CENPS: variants seen among roughly 807,000 people sequenced by gnomAD.
The protein encoded by CENPS is centromere protein S.
In CENPS, 16 loss-of-function variants were observed where a neutral mutation model predicts 17.9. The ratio of observed to expected loss-of-function variants is 0.90; its 90% CI spans 0.61 to 1.36. The LOEUF (loss-of-function observed/expected upper bound fraction) is 1.36, where lower values mean the gene tolerates loss of function less well. CENPS is among the 40% of genes most tolerant of loss of function. The probability of loss-of-function intolerance (pLI) is 0.00; values close to 1 mark genes in which losing one functional copy is unlikely to be tolerated. For synonymous variants in CENPS, 49 were observed against 55.8 expected (o/e 0.88, Z 0.54); for missense variants, 160 against 158.6 (o/e 1.01, Z -0.05).
intron 1 of CENPS, chr1:10,431,330 A>G (rs1639902423): frequency 6.5e-7 from 1 of 1,535,166 alleles, no homozygotes; most frequent in Non-Finnish European, 8.7e-7. Flanking sequence ...ACAAAGTTAC[A>G]CTGCAGCAGC....
intron 1 of CENPS, among the ~76,000 whole-genome samples, chr1:10,433,448 G>A (rs1428977871): frequency 6.6e-6 from 1 of 152,170 alleles, no homozygotes; most frequent in African/African-American, 2.4e-5. Flanking sequence ...TGCCTTAAGG[G>A]CAAAGTTCCC....
In CENPS at chr1:10,430,721, T is replaced by C. The variant is rs1570013087; in HGVS notation, c.51+153T>C. 2.8e-6 allele frequency: 4 copies of C among 1,414,008 alleles called. No individual in the cohort carries two copies. The South Asian group carries it at 4.7e-5, about 16-fold the overall frequency. The allele number at this position is 1,414,008 out of a possible 1,614,324, so 87.6% of individuals were successfully genotyped here. ...CATGCGTTGGCTTAACTGCCGCGGG[T>C]GGTGCTGGGAGGCGGTTTCCGCGGC... On this transcript the variant is annotated intron_variant, in intron 1 of 4. Coordinates refer to ENST00000309048, the MANE Select transcript of CENPS (RefSeq NM_199294.3).
In CENPS at chr1:10,430,922, G is replaced by A. The variant is rs868866320; in HGVS notation, c.51+354G>A. Reference sequence around the variant, plus strand: ...AACGTCGGCATTAGACATTCCAGGTGACGCCCGTACGCGGTGGGCGGTTCG... The same window carrying A: ...AACGTCGGCATTAGACATTCCAGGTAACGCCCGTACGCGGTGGGCGGTTCG... On this transcript the variant is annotated intron_variant, in intron 1 of 4. Transcript: ENST00000309048. The A allele has an allele frequency of 3.5e-5, 44 of 1,260,504 alleles. 1 individual carries two copies. In the South Asian group the frequency reaches 8.5e-4, roughly 24 times the overall value. 78.1% of individuals were successfully genotyped at this position (1,260,504 alleles called of 1,614,324 possible). A position where few individuals can be genotyped will look rare whatever the true frequency, so the allele number is the denominator to read the frequency against.
intron 1 of CENPS, chr1:10,431,009 C>T: frequency 7.7e-6 from 10 of 1,291,980 alleles, no homozygotes; most frequent in Non-Finnish European, 9.8e-6. Flanking sequence ...TGCAGGGACG[C>T]GGTGCGGACC....
Position 10,442,428 on chromosome 1 carries a change from G to A in CENPS, c.*23G>A, listed in dbSNP as rs770975490. The stretch of plus-strand genomic sequence containing the variant: ...TAAAGTCCCTCGCCGCTTGGAAAGT[G>A]CAGCCTTCTACAGGTAGAGCCACCT... On this transcript the variant is annotated 3_prime_UTR_variant, in exon 5 of 5. Coordinates refer to ENST00000309048, the MANE Select transcript of CENPS (RefSeq NM_199294.3). 110 of 1,553,354 alleles carry A rather than the reference G, an allele frequency of 7.1e-5. No individual in the cohort carries two copies. The highest frequency in any genetic ancestry group is 9.3e-5 in the Non-Finnish European group (108 of 1,159,566).
intron 1 of CENPS, among the ~76,000 whole-genome samples, chr1:10,433,333 C>G (rs1640007408): frequency 6.6e-6 from 1 of 152,206 alleles, no homozygotes; most frequent in East Asian, 1.9e-4. Flanking sequence ...GGTGTGCCCT[C>G]TTGAGCCTTT....
chr1:10,430,440 G>A lies in CENPS; in HGVS notation c.-78G>A. On this transcript the variant is annotated 5_prime_UTR_variant, in exon 1 of 5. Coordinates refer to ENST00000309048, the MANE Select transcript of CENPS (RefSeq NM_199294.3). ...CCGCGCGGCCCGTCGCTCGCGCCGC[G>A]GCGGGAAAATCCGACCTGGCCGCGC... The A allele has an allele frequency of 1.3e-6, 2 of 1,516,658 alleles. No individual in the cohort carries two copies. The highest frequency in any genetic ancestry group is 1.8e-6 in the Non-Finnish European group (2 of 1,133,410). The allele number at this position is 1,516,658 out of a possible 1,614,324, so 94.0% of individuals were successfully genotyped here.
At chr1:10,431,545 T>A in intron 1 of CENPS, 1 of 1,125,204 alleles carries the variant, frequency 8.9e-7, no homozygotes, top group South Asian at 1.5e-5. Flanking sequence ...TTTAATTCTT[T>A]AGTACACATC....
chr1:10,432,477 C>T (rs1286154743), intron 1 of CENPS, among the ~76,000 whole-genome samples: 2 of 152,146 alleles, frequency 1.3e-5, no homozygotes, highest in East Asian at 1.9e-4. Flanking sequence ...ATTTGCCCCT[C>T]AGCTGTGATT....
intron 3 of CENPS, among the ~76,000 whole-genome samples, chr1:10,439,957 G>T (rs1393503334): frequency 6.6e-6 from 1 of 152,112 alleles, no homozygotes; most frequent in African/African-American, 2.4e-5. Flanking sequence ...ATTTAAGCAG[G>T]TGCCCTCTGT....
intron 4 of CENPS, among the ~76,000 whole-genome samples, chr1:10,441,608 C>A (rs1408632031): frequency 1.4e-5 from 2 of 145,346 alleles, no homozygotes; most frequent in Admixed American, 7.2e-5. Context: ...GCCACCGCAC[C>A]TGGCTACAAC....
At chr1:10,431,838 A>AGCGAGACTCC (rs59490056) in intron 1 of CENPS, among the ~76,000 whole-genome samples, 78,286 of 139,892 alleles carry the variant, frequency 0.56, 23,202 homozygotes, top group African/African-American at 0.75. Flanking sequence ...TGGGTGACAG[A>AGCGAGACTCC]GCGAGACTCC....
chr1:10,433,796 C>G lies in CENPS; in HGVS notation c.52-46C>G, dbSNP rs375467346. ...TTCATTTTTTAAGGCGTGAAAAGCT[C>G]TTATTTGCAGCCTTACCCGTGAAAT... On this transcript the variant is annotated intron_variant, in intron 1 of 4. Coordinates refer to ENST00000309048, the MANE Select transcript of CENPS (RefSeq NM_199294.3). 4 of 1,611,516 alleles carry G rather than the reference C, an allele frequency of 2.5e-6. No individual in the cohort carries two copies. In the East Asian group the frequency reaches 6.7e-5, roughly 27 times the overall value.
At chr1:10,433,463 C>T (rs924459786) in intron 1 of CENPS, among the ~76,000 whole-genome samples, 2 of 152,196 alleles carry the variant, frequency 1.3e-5, no homozygotes, top group East Asian at 1.9e-4. Context: ...GTTCCCTGCC[C>T]GGTTTTTCAT....
chr1:10,435,709 A>ACACACACACC (rs1640121195), intron 3 of CENPS, among the ~76,000 whole-genome samples: 1 of 136,706 alleles, frequency 7.3e-6, no homozygotes, highest in Non-Finnish European at 1.6e-5. Flanking sequence ...AATAATATAT[A>ACACACACACC]TATATATACA....
intron 3 of CENPS, among the ~76,000 whole-genome samples, chr1:10,435,704 T>TACACACACACAC (rs1245329164): frequency 3.8e-4 from 54 of 143,646 alleles, no homozygotes; most frequent in South Asian, 2.0e-3. Context: ...TTAAAAATAA[T>TACACACACACAC]ATATATATAT....
chr1:10,438,218 C>T (rs1339632396), intron 3 of CENPS, among the ~76,000 whole-genome samples: 2 of 151,202 alleles, frequency 1.3e-5, no homozygotes, highest in East Asian at 4.0e-4. Context: ...GATCTCGGCT[C>T]ACTGCAGTCT....
chr1:10,442,545 G>A lies in CENPS; in HGVS notation c.*140G>A. Reference sequence around the variant, plus strand: ...AAGGCTGGGCTAGGGTGCTTTTTGTGCTGAATTCTCCACATTGTTAACTGC... The same window carrying A: ...AAGGCTGGGCTAGGGTGCTTTTTGTACTGAATTCTCCACATTGTTAACTGC... On this transcript the variant is annotated 3_prime_UTR_variant, in exon 5 of 5. Transcript: ENST00000309048. 4.7e-6 allele frequency: 6 copies of A among 1,289,450 alleles called. No individual in the cohort carries two copies. Among genetic ancestry groups the A allele is most frequent in the Non-Finnish European group, 5.9e-6 (6 of 1,011,066 alleles). The allele number at this position is 1,289,450 out of a possible 1,614,324, so 79.9% of individuals were successfully genotyped here.
intron 3 of CENPS, among the ~76,000 whole-genome samples, chr1:10,438,004 C>T (rs995994199): frequency 1.3e-5 from 2 of 152,154 alleles, no homozygotes; most frequent in Admixed American, 1.3e-4. Flanking sequence ...TCAGGTGATC[C>T]GCCTGCCTCG....
Sources: gnomAD v4.1 joint callset for allele counts (sites outside exome capture counted in the v4.1 genomes callset) on GRCh38, gnomAD v4.1.1 for gene constraint, MANE v1.5 for transcripts, NCBI Gene and HGNC (gene_info 2026-07-23, HGNC 2026-07-21) for gene names.